Variants in NTHL1 observed in about 807,000 individuals in gnomAD.
NTHL1 encodes endonuclease III-like protein 1.
NTHL1 carries 32 observed loss-of-function variants against 32.3 expected under a neutral mutation model. That is an observed-to-expected ratio of 0.99 (90% CI 0.75 to 1.33). The LOEUF is 1.33. NTHL1 is among the 40% of genes most tolerant of loss of function. The pLI is 0.00. For missense variants in NTHL1, 501 were observed against 414.1 expected, an observed-to-expected ratio of 1.21 and a Z score of -1.82; for synonymous variants, 188 against 176.9, an observed-to-expected ratio of 1.06 and a Z score of -0.50.
rs2150942686 is a variant in NTHL1 at position 2,044,873 on chromosome 16, C to A, written c.355-73G>T. The A allele has an allele frequency of 6.8e-7, 1 of 1,473,166 alleles. No individual in the cohort carries two copies. The highest frequency in any genetic ancestry group is 1.3e-5 in the South Asian group (1 of 76,448). The allele number at this position is 1,473,166 out of a possible 1,614,324, so 91.3% of individuals were successfully genotyped here. ...TTCCCTGGCCAGGCTCCGCCCCCCG[C>A]CCTCGACACACCCTGGTTTGTTGCC... On this transcript the variant is annotated intron_variant, in intron 2 of 5. Transcript: ENST00000651570. The surrounding 1 kb of genome is among the most constrained non-coding windows in gnomAD (Gnocchi z 5.0).
At chr16:2,046,689 C>T (rs2084417000) in intron 1 of NTHL1, among the ~76,000 whole-genome samples, 2 of 152,198 alleles carry the variant, frequency 1.3e-5, no homozygotes, top group South Asian at 4.1e-4. Flanking sequence ...AAATCCTGGC[C>T]GGCCGGGCGC....
In NTHL1 at chr16:2,047,777, C is replaced by G. The variant is rs747325774; in HGVS notation, c.47G>C (p.Gly16Ala). ...ARMLTRSRSL[G>A]PGAGPRGCRE... ...ACACCCCCGCGGCCCAGCCCCGGGT[C>G]CCAGGCTCCGGCTCCGGGTCAGCAT... The change falls in exon 1 of 6, where the codon GGA becomes GCA. Residue 16 changes from glycine to alanine, a missense_variant. Coordinates refer to ENST00000651570, the MANE Select transcript of NTHL1 (RefSeq NM_002528.7). 6.3e-6 allele frequency: 10 copies of G among 1,588,836 alleles called. No individual in the cohort carries two copies. The Admixed American group carries it at 1.2e-4, about 19-fold the overall frequency.
chr16:2,041,061 C>T lies in NTHL1; in HGVS notation c.686-823G>A, dbSNP rs138200200. 3.5e-4 allele frequency among the ~76,000 whole-genome samples: 54 copies of T among 152,356 alleles called. No individual in the cohort carries two copies. The East Asian group carries it at 4.1e-3, about 11-fold the overall frequency. On this transcript the variant is annotated intron_variant, in intron 4 of 5. Coordinates refer to ENST00000651570, the MANE Select transcript of NTHL1 (RefSeq NM_002528.7). The stretch of plus-strand genomic sequence containing the variant: ...CTCACTGGGGCTCCCTTCTCCCACC[C>T]GGTGGCCCCGGCCAGCTGCAGCCCC...
At chr16:2,041,443 A>T (rs80209279) in intron 4 of NTHL1, among the ~76,000 whole-genome samples, 2 of 143,912 alleles carry the variant, frequency 1.4e-5, no homozygotes, top group South Asian at 2.2e-4. Flanking sequence ...TGGCTGTGGC[A>T]TTTTTTTTTT....
chr16:2,041,631 G>T (rs997258945), intron 4 of NTHL1, among the ~76,000 whole-genome samples: 1 of 149,626 alleles, frequency 6.7e-6, no homozygotes, highest in East Asian at 2.0e-4. Context: ...TTGGTGAGAC[G>T]GAGTCACGCT....
intron 4 of NTHL1, among the ~76,000 whole-genome samples, chr16:2,042,855 C>G (rs1169211505): frequency 6.7e-5 from 7 of 105,102 alleles, no homozygotes; most frequent in Admixed American, 4.5e-4. Context: ...CACCCTCCCC[C>G]CATCCTCCCA....
intron 2 of NTHL1, among the ~76,000 whole-genome samples, chr16:2,045,854 C>T (rs557599895): frequency 1.3e-5 from 2 of 152,322 alleles, no homozygotes; most frequent in South Asian, 4.1e-4. Context: ...GGCCCTGGGA[C>T]CGTGAAGCAA....
chr16:2,044,601 C>G lies in NTHL1; in HGVS notation c.525+29G>C. ...AGGTCTCTCTCAGGCCACTGCCACC[C>G]GGCCCCCGTTGCCACAGGCAGGGCT... is the stretch of plus-strand genomic sequence containing the variant. On this transcript the variant is annotated intron_variant, in intron 3 of 5. Transcript: ENST00000651570. This position sits in a 1 kb window ranked among gnomAD's most constrained non-coding sequence, Gnocchi z 5.0. 1 of 1,598,698 alleles carries G rather than the reference C, an allele frequency of 6.3e-7. No individual in the cohort carries two copies. The highest frequency in any genetic ancestry group is 8.5e-7 in the Non-Finnish European group (1 of 1,179,796).
intron 1 of NTHL1, 52 bp from the exon 2 acceptor site, chr16:2,046,418 G>T (rs1251739301): frequency 1.3e-6 from 2 of 1,542,872 alleles, no homozygotes; most frequent in South Asian, 1.1e-5. Context: ...TGAAGGTAGG[G>T]TAGGGGTGCC....
chr16:2,043,318 G>A lies in NTHL1; in HGVS notation c.685+249C>T, dbSNP rs923361945. Among the ~76,000 whole-genome samples the A allele has an allele frequency of 3.3e-5, 5 of 152,166 alleles. No homozygotes were observed. Among genetic ancestry groups the A allele is most frequent in the Admixed American group, 6.5e-5 (1 of 15,294 alleles). On this transcript the variant is annotated intron_variant, in intron 4 of 5. Coordinates refer to ENST00000651570, the MANE Select transcript of NTHL1 (RefSeq NM_002528.7). This position sits in a 1 kb window ranked among gnomAD's most constrained non-coding sequence, Gnocchi z 4.4. ...GCTCCACATTTCTCCCGAATACAAC[G>A]CAGATGGAGTCCAGCTCCGGGGCCT...
chr16:2,046,829 G>C (rs1044208061), intron 1 of NTHL1: 3 of 159,092 alleles, frequency 1.9e-5, no homozygotes, highest in Non-Finnish European at 4.2e-5. Flanking sequence ...AAAGTTAGCC[G>C]GGTGTGGTGG....
Position 2,044,785 on chromosome 16 carries a change from C to A in NTHL1, c.370G>T (p.Val124Leu), listed in dbSNP as rs1271178921. The change falls in exon 3 of 6, where the codon GTG becomes TTG. Residue 124 changes from valine to leucine, a missense_variant. By Grantham distance (32) the Val-to-Leu change is conservative. Transcript: ENST00000651570. This position sits in a 1 kb window ranked among gnomAD's most constrained non-coding sequence, Gnocchi z 5.0. ...SAPPKVRRYQ[V>L]LLSLMLSSQT... ...CTGGAGAGCATCAGTGACAGCAGCA[C>A]CTGGTACCTGCGTACCTGCTTGTGC... is the stretch of plus-strand genomic sequence containing the variant. 3.1e-6 allele frequency: 5 copies of A among 1,608,410 alleles called. No individual in the cohort carries two copies. The East Asian group carries it at 6.7e-5, about 22-fold the overall frequency.
intron 4 of NTHL1, 72 bp from the exon 5 acceptor site, chr16:2,040,310 G>A (rs1486867756): frequency 1.0e-5 from 14 of 1,404,926 alleles, no homozygotes; most frequent in Admixed American, 3.4e-5. Flanking sequence ...CCCGCCCAGA[G>A]GCGAGTCTGC....
In NTHL1 at chr16:2,043,460, C is replaced by T; in HGVS notation, c.685+107G>A. ...GGGAGCACCTTTCTGACTCTATGGG[C>T]TGGGTGGAGGACCAGCATGCTGGAA... is the stretch of plus-strand genomic sequence containing the variant. On this transcript the variant is annotated intron_variant, in intron 4 of 5. Coordinates refer to ENST00000651570, the MANE Select transcript of NTHL1 (RefSeq NM_002528.7). The surrounding 1 kb of genome is among the most constrained non-coding windows in gnomAD (Gnocchi z 4.4). 1 of 1,494,572 alleles carries T rather than the reference C, an allele frequency of 6.7e-7. No homozygotes were observed. The highest frequency in any genetic ancestry group is 9.1e-7 in the Non-Finnish European group (1 of 1,098,880). The allele number at this position is 1,494,572 out of a possible 1,614,324, so 92.6% of individuals were successfully genotyped here.
rs987935052 is a variant in NTHL1, at chr16:2,044,494, G to A, written c.525+136C>T. On this transcript the variant is annotated intron_variant, in intron 3 of 5. Transcript: ENST00000651570. The surrounding 1 kb of genome is among the most constrained non-coding windows in gnomAD (Gnocchi z 5.0). ...TCAGGCCTCAGGGCCCCACGGCCTG[G>A]GGGGGGCTTCAGGGGGACCCCCCGA... The A allele has an allele frequency of 3.4e-5, 38 of 1,129,908 alleles. 1 individual carries two copies. The South Asian group carries it at 3.5e-4, about 11-fold the overall frequency. The allele number at this position is 1,129,908 out of a possible 1,614,324, so 70.0% of individuals were successfully genotyped here.
chr16:2,044,896 G>A lies in NTHL1; in HGVS notation c.355-96C>T. On this transcript the variant is annotated intron_variant, in intron 2 of 5. Coordinates refer to ENST00000651570, the MANE Select transcript of NTHL1 (RefSeq NM_002528.7). The surrounding 1 kb of genome is among the most constrained non-coding windows in gnomAD (Gnocchi z 5.0). ...CGCCCTCGACACACCCTGGTTTGTT[G>A]CCCTGGGCCACACTTGAGGCATCAG... 1 of 1,403,076 alleles carries A rather than the reference G, an allele frequency of 7.1e-7. No individual in the cohort carries two copies. The highest frequency in any genetic ancestry group is 9.6e-7 in the Non-Finnish European group (1 of 1,046,362). 86.9% of individuals were successfully genotyped at this position (1,403,076 alleles called of 1,614,324 possible). A position where few individuals can be genotyped will look rare whatever the true frequency, so the allele number is the denominator to read the frequency against.
In NTHL1 at chr16:2,043,975, T is replaced by C; in HGVS notation, c.526-249A>G. On this transcript the variant is annotated intron_variant, in intron 3 of 5. Coordinates refer to ENST00000651570, the MANE Select transcript of NTHL1 (RefSeq NM_002528.7). This position sits in a 1 kb window ranked among gnomAD's most constrained non-coding sequence, Gnocchi z 4.4. ...GTGTAGGCTCTGGCTGGGGTTCCCC[T>C]GCCCGTCATTCCCTGCCAGCACCCA... is the stretch of plus-strand genomic sequence containing the variant. The C allele has an allele frequency of 1.9e-6, 1 of 537,438 alleles. No individual in the cohort carries two copies. The highest frequency in any genetic ancestry group is 3.1e-5 in the Admixed American group (1 of 31,800). 33.3% of individuals were successfully genotyped at this position (537,438 alleles called of 1,614,324 possible). A position where few individuals can be genotyped will look rare whatever the true frequency, so the allele number is the denominator to read the frequency against.
chr16:2,044,169 C>T lies in NTHL1; in HGVS notation c.526-443G>A, dbSNP rs747101945. Reference sequence around the variant, plus strand: ...TATTTAAAACCCATCTGAGAAACTGCGGCCCACGCGGGTGCCAAGGGGAAG... The same window carrying T: ...TATTTAAAACCCATCTGAGAAACTGTGGCCCACGCGGGTGCCAAGGGGAAG... On this transcript the variant is annotated intron_variant, in intron 3 of 5. Coordinates refer to ENST00000651570, the MANE Select transcript of NTHL1 (RefSeq NM_002528.7). The surrounding 1 kb of genome is among the most constrained non-coding windows in gnomAD (Gnocchi z 5.0). 8.1e-5 allele frequency: 26 copies of T among 319,628 alleles called. No homozygotes were observed. Among genetic ancestry groups the T allele is most frequent in the African/African-American group, 8.5e-5 (4 of 46,874 alleles). 19.8% of individuals were successfully genotyped at this position (319,628 alleles called of 1,614,324 possible).
rs1482983792 is a variant in NTHL1, at chr16:2,047,714, G to A, written c.110C>T (p.Ala37Val). The A allele has an allele frequency of 1.3e-6, 2 of 1,580,376 alleles. No homozygotes were observed. Among genetic ancestry groups the A allele is most frequent in the Admixed American group, 3.4e-5 (2 of 58,140 alleles). The change falls in exon 1 of 6, where the codon GCA becomes GTA. Residue 37 changes from alanine to valine, a missense_variant. Transcript: ENST00000651570. ...EPGPLRRREA[A>V]AEARKSHSPV... ...CAGCCACGGCGCGGCGCTACCTGCTGCAGCCTCTCTTCTCCGGAGAGGCCC... is the reference window on the plus strand; with the variant it reads ...CAGCCACGGCGCGGCGCTACCTGCTACAGCCTCTCTTCTCCGGAGAGGCCC...
Sources: allele counts gnomAD v4.1 joint callset (sites outside exome capture counted in the v4.1 genomes callset), GRCh38; gene constraint gnomAD v4.1.1; non-coding constraint Gnocchi (gnomAD v3.1); transcripts MANE v1.5; gene names NCBI Gene and HGNC (gene_info 2026-07-23, HGNC 2026-07-21).